EPM2A: variants seen among roughly 807,000 people sequenced by gnomAD.
EPM2A encodes the protein EPM2A glucan phosphatase, laforin.
Under a neutral mutation model 26.5 loss-of-function variants are expected in EPM2A, and 21 were observed. That is an observed-to-expected ratio of 0.79 (90% CI 0.56 to 1.14). EPM2A has a LOEUF of 1.14. Ranked by LOEUF, EPM2A falls within the 50% of genes most tolerant of loss-of-function variation. The pLI is 0.00. For missense variants in EPM2A, 458 were observed against 440.8 expected, an observed-to-expected ratio of 1.04 and a Z score of -0.35; for synonymous variants, 217 against 177.6, an observed-to-expected ratio of 1.22 and a Z score of -1.76.
chr6:145,488,514 T>C (rs978289043), intron 4 of EPM2A, among the ~76,000 whole-genome samples: 1 of 131,466 alleles, frequency 7.6e-6, no homozygotes, highest in Admixed American at 7.7e-5. Flanking sequence ...TGTGTGTGTG[T>C]GTGTGTGTGA....
chr6:145,693,640 T>C (rs7745722), intron 1 of EPM2A, among the ~76,000 whole-genome samples: 10,126 of 151,972 alleles, frequency 0.067, 1,132 homozygotes, highest in African/African-American at 0.23. Context: ...AATATGTCCA[T>C]GTAACAAAAC....
At chr6:145,495,399 G>A (rs1779804405) in intron 4 of EPM2A, among the ~76,000 whole-genome samples, 1 of 151,638 alleles carries the variant, frequency 6.6e-6, no homozygotes, top group African/African-American at 2.4e-5. Flanking sequence ...TGTGAGATGG[G>A]TCTCTTGAAG....
intron 2 of EPM2A, among the ~76,000 whole-genome samples, chr6:145,530,673 G>A (rs939212114): frequency 1.3e-5 from 2 of 152,198 alleles, no homozygotes; most frequent in African/African-American, 4.8e-5. Context: ...TGTGCCCATA[G>A]CTGACAATCA....
At chr6:145,705,716 G>A (rs1045837315) in intron 1 of EPM2A, among the ~76,000 whole-genome samples, 34 of 152,174 alleles carry the variant, frequency 2.2e-4, no homozygotes, top group Non-Finnish European at 5.9e-5. Flanking sequence ...CAAAGAGAAA[G>A]GAGAATGAGG....
chr6:145,662,841 T>G (rs1334704050), intron 2 of EPM2A, among the ~76,000 whole-genome samples: 1 of 152,174 alleles, frequency 6.6e-6, no homozygotes, highest in Admixed American at 6.5e-5. Context: ...ACAAGGAAAG[T>G]GCTTATATAG....
chr6:145,478,861 A>G (rs1274433504), intron 4 of EPM2A, among the ~76,000 whole-genome samples: 1 of 151,728 alleles, frequency 6.6e-6, no homozygotes, highest in Non-Finnish European at 1.5e-5. Flanking sequence ...AGTCTGTATG[A>G]TAATAATTTT....
At chr6:145,690,307 G>A (rs965187766) in intron 1 of EPM2A, among the ~76,000 whole-genome samples, 5 of 151,768 alleles carry the variant, frequency 3.3e-5, no homozygotes, top group African/African-American at 4.8e-5. Context: ...TCAGGAGATC[G>A]AGACCATCCT....
At chr6:145,563,326 C>G (rs941691555) in intron 2 of EPM2A, among the ~76,000 whole-genome samples, 1 of 151,634 alleles carries the variant, frequency 6.6e-6, no homozygotes, top group Non-Finnish European at 1.5e-5. Flanking sequence ...TAGTTGAGAC[C>G]GAAGGATGAA....
chr6:145,726,783 C>T (rs1003067296), intron 1 of EPM2A, among the ~76,000 whole-genome samples: 34 of 152,098 alleles, frequency 2.2e-4, no homozygotes, highest in African/African-American at 7.2e-4. Context: ...GAAACTATCA[C>T]AGTCATAATA....
chr6:145,480,602 T>C (rs1364329529), intron 4 of EPM2A, among the ~76,000 whole-genome samples: 2 of 152,170 alleles, frequency 1.3e-5, no homozygotes, highest in Non-Finnish European at 2.9e-5. Flanking sequence ...TACAAAAGTG[T>C]TTGACTTGTA....
At chr6:145,420,701 T>C (rs1778770148) in intron 4 of EPM2A, among the ~76,000 whole-genome samples, 1 of 152,170 alleles carries the variant, frequency 6.6e-6, no homozygotes, top group Non-Finnish European at 1.5e-5. Flanking sequence ...CCTTAGTTCA[T>C]TTTGTGCTGC....
chr6:145,694,677 G>C (rs956868777), intron 1 of EPM2A, among the ~76,000 whole-genome samples: 4 of 151,970 alleles, frequency 2.6e-5, no homozygotes, highest in Non-Finnish European at 5.9e-5. Context: ...AAGAATAAAA[G>C]ATAGTCAAAA....
intron 2 of EPM2A, chr6:145,671,531 G>C (rs1779640983): frequency 3.4e-6 from 1 of 290,220 alleles, no homozygotes; most frequent in African/African-American, 2.3e-5. Context: ...ATTATTTCCA[G>C]AACTATACTT....
intron 4 of EPM2A, among the ~76,000 whole-genome samples, chr6:145,434,539 T>C (rs1215930093): frequency 6.6e-6 from 1 of 152,210 alleles, no homozygotes; most frequent in Non-Finnish European, 1.5e-5. Context: ...TTTGTTAAAA[T>C]AGAATCCAAT....
Position 145,733,102 on chromosome 6 carries a change from T to C in EPM2A, c.301+2096A>G, listed in dbSNP as rs553062771. Among the ~76,000 whole-genome samples, 101 of 152,206 alleles carry C rather than the reference T, an allele frequency of 6.6e-4. 1 individual carries two copies. The South Asian group carries it at 0.018, about 27-fold the overall frequency. The stretch of plus-strand genomic sequence containing the variant: ...AGAAGGCACTGTAACAATTAGAAAA[T>C]AGAATATAAATTATATAAAACTTGA... On this transcript the variant is annotated intron_variant, in intron 1 of 3. Coordinates refer to ENST00000367519, the MANE Select transcript of EPM2A (RefSeq NM_005670.4).
chr6:145,696,775 A>ATGTGTGTGTGTG (rs35621582), intron 1 of EPM2A, among the ~76,000 whole-genome samples: 14 of 135,306 alleles, frequency 1.0e-4, no homozygotes, highest in African/African-American at 2.7e-4. Flanking sequence ...AGGTAGGGGT[A>ATGTGTGTGTGTG]TGTGTGTGTG....
intron 2 of EPM2A, among the ~76,000 whole-genome samples, chr6:145,539,415 T>G (rs1347818518): frequency 1.3e-5 from 2 of 152,140 alleles, no homozygotes; most frequent in Non-Finnish European, 2.9e-5. Flanking sequence ...AAAAATTACT[T>G]GAAACTCCTA....
chr6:145,383,624 A>G (rs2114650821), exon 5 of EPM2A: 1 of 152,314 alleles, frequency 6.6e-6, no homozygotes, highest in African/African-American at 2.4e-5. Context: ...CAATGATTCA[A>G]TCACTTCCCA....
intron 4 of EPM2A, among the ~76,000 whole-genome samples, chr6:145,410,909 G>C (rs1335110712): frequency 6.6e-6 from 1 of 152,184 alleles, no homozygotes; most frequent in African/African-American, 2.4e-5. Flanking sequence ...AATAATTCTT[G>C]TTATTGTTAT....
Sources: gnomAD v4.1 joint callset for allele counts (sites outside exome capture counted in the v4.1 genomes callset) on GRCh38, gnomAD v4.1.1 for gene constraint, MANE v1.5 for transcripts, NCBI Gene and HGNC (gene_info 2026-07-23, HGNC 2026-07-21) for gene names.